ASCC3: variants seen among roughly 807,000 people sequenced by gnomAD.
ASCC3 encodes ASC-1 complex subunit P200.
ASCC3 carries 158 observed loss-of-function variants against 256.3 expected under a neutral mutation model. That is an observed-to-expected ratio of 0.62 (90% CI 0.54 to 0.70). The LOEUF (loss-of-function observed/expected upper bound fraction) is 0.70, where lower values mean the gene tolerates loss of function less well. ASCC3 is among the 30% of genes least tolerant of loss of function. The pLI is 0.00. For synonymous variants in ASCC3, 948 were observed against 883.4 expected (o/e 1.07, Z -1.30); for missense variants, 2,259 against 2,626.0 (o/e 0.86, Z 3.05).
chr6:100,762,676 C>T (rs1369382293), intron 10 of ASCC3, among the ~76,000 whole-genome samples: 1 of 152,000 alleles, frequency 6.6e-6, no homozygotes, highest in African/African-American at 2.4e-5. Flanking sequence ...ATATTCAAAC[C>T]TCAATAAAAT....
At chr6:100,582,295 C>T (rs1450140644) in intron 36 of ASCC3, among the ~76,000 whole-genome samples, 1 of 152,066 alleles carries the variant, frequency 6.6e-6, no homozygotes, top group Non-Finnish European at 1.5e-5. Flanking sequence ...TTGAAAAGGT[C>T]CTTCACGTCC....
intron 8 of ASCC3, among the ~76,000 whole-genome samples, chr6:100,774,086 A>G (rs868246476): frequency 6.6e-6 from 1 of 152,320 alleles, no homozygotes; most frequent in African/African-American, 2.4e-5. Context: ...AGTTCTGTCA[A>G]TACAAATATT....
chr6:100,735,537 A>G (rs1460338653), intron 10 of ASCC3, among the ~76,000 whole-genome samples: 1 of 152,102 alleles, frequency 6.6e-6, no homozygotes, highest in Admixed American at 6.5e-5. Context: ...GTTTGCATAA[A>G]TTCTCCTTTT....
chr6:100,581,153 C>T (rs1273981260), intron 36 of ASCC3, among the ~76,000 whole-genome samples: 1 of 152,152 alleles, frequency 6.6e-6, no homozygotes, highest in Non-Finnish European at 1.5e-5. Context: ...TGAGGAATCG[C>T]CACACTGACT....
At chr6:100,826,876 A>G (rs979118924) in intron 4 of ASCC3, among the ~76,000 whole-genome samples, 1 of 152,210 alleles carries the variant, frequency 6.6e-6, no homozygotes, top group Non-Finnish European at 1.5e-5. Context: ...GATACTTCCT[A>G]ATATTGTAGC....
At chr6:100,796,031 A>C (rs954410122) in intron 8 of ASCC3, among the ~76,000 whole-genome samples, 7 of 152,196 alleles carry the variant, frequency 4.6e-5, no homozygotes, top group Non-Finnish European at 1.0e-4. Flanking sequence ...TATAATGACA[A>C]ATTTCACTTA....
chr6:100,880,440 C>T (rs1769242455), intron 1 of ASCC3, among the ~76,000 whole-genome samples: 1 of 152,224 alleles, frequency 6.6e-6, no homozygotes, highest in African/African-American at 2.4e-5. Context: ...TAGAATTATG[C>T]TTCTTTTAAA....
At position 100,593,588 on chromosome 6, in the gene ASCC3, G is replaced by A. The variant is rs376846598; in HGVS notation, c.5304-3529C>T. On this transcript the variant is annotated intron_variant, in intron 34 of 41. Coordinates refer to ENST00000369162, the MANE Select transcript of ASCC3 (RefSeq NM_006828.4). ...TTTGGATTTAATGTGAATAGTGGCA[G>A]CCATTTCCTGTTTGGTTTATGTAAA... Among the ~76,000 whole-genome samples the A allele has an allele frequency of 1.1e-4, 17 of 152,216 alleles. No homozygotes were observed. The East Asian group carries it at 2.7e-3, about 24-fold the overall frequency.
In ASCC3 at chr6:100,708,596, C is replaced by T. The variant is rs186706429; in HGVS notation, c.2151+6866G>A. 6.6e-5 allele frequency among the ~76,000 whole-genome samples: 10 copies of T among 152,010 alleles called. No individual in the cohort carries two copies. The East Asian group carries it at 9.7e-4, about 15-fold the overall frequency. On this transcript the variant is annotated intron_variant, in intron 13 of 41. Coordinates refer to ENST00000369162, the MANE Select transcript of ASCC3 (RefSeq NM_006828.4). Reference sequence around the variant, plus strand: ...ACAGTTTGGGTTGTGATATTTGGAGCGGGGAGAGCCACTGGCATCTACTGG... The same window carrying T: ...ACAGTTTGGGTTGTGATATTTGGAGTGGGGAGAGCCACTGGCATCTACTGG...
At chr6:100,878,583 C>A (rs1769107516) in intron 1 of ASCC3, among the ~76,000 whole-genome samples, 1 of 152,188 alleles carries the variant, frequency 6.6e-6, no homozygotes, top group Non-Finnish European at 1.5e-5. Context: ...ACAGACCCAG[C>A]ACATATTAGG....
At chr6:100,640,658 C>T (rs2114888438) in intron 24 of ASCC3, among the ~76,000 whole-genome samples, 1 of 152,202 alleles carries the variant, frequency 6.6e-6, no homozygotes, top group East Asian at 1.9e-4. Flanking sequence ...ATGTAGCACA[C>T]TTGATGAAAG....
rs1448219728 is a variant in ASCC3, at chr6:100,805,761, T to C, written c.921A>G (p.Gln307=). The C allele has an allele frequency of 4.3e-6, 7 of 1,610,370 alleles. No individual in the cohort carries two copies. Among genetic ancestry groups the C allele is most frequent in the Non-Finnish European group, 5.1e-6 (6 of 1,178,342 alleles). The change falls in exon 5 of 42, where the codon CAA becomes CAG. Residue 307 remains glutamine (Q), a splice_region_variant and synonymous_variant. Coordinates refer to ENST00000369162, the MANE Select transcript of ASCC3 (RefSeq NM_006828.4). ...AATGACCACTGCATACTTTCTTACC[T>C]TGAAGAGCCTGAAACCTATGATCAT... is the stretch of plus-strand genomic sequence containing the variant. The part of the protein sequence containing the change: ...SSNDHRFQAL[Q]DNCKKILGEN...
chr6:100,724,657 G>A (rs1407541516), intron 11 of ASCC3, among the ~76,000 whole-genome samples: 1 of 151,878 alleles, frequency 6.6e-6, no homozygotes, highest in Non-Finnish European at 1.5e-5. Context: ...GAAGGGCTGG[G>A]CATTTTCCTG....
At chr6:100,608,236 ATACTTTATATATATACTT>A (rs1773092837) in intron 30 of ASCC3, among the ~76,000 whole-genome samples, 1 of 88,428 alleles carries the variant, frequency 1.1e-5, no homozygotes, top group Non-Finnish European at 1.9e-5. Flanking sequence ...TATATACTTT[ATACTTTATATATATACTT>A]TATATATACT....
chr6:100,608,069 T>TACATATATCGATATAC (rs1773008513), intron 30 of ASCC3, among the ~76,000 whole-genome samples: 1 of 92,200 alleles, frequency 1.1e-5, no homozygotes, highest in East Asian at 4.0e-4. Context: ...CACATATATA[T>TACATATATCGATATAC]ACATATATAT....
At chr6:100,794,212 T>A (rs1769488844) in intron 8 of ASCC3, among the ~76,000 whole-genome samples, 2 of 152,094 alleles carry the variant, frequency 1.3e-5, no homozygotes, top group Admixed American at 1.3e-4. Flanking sequence ...TACTTTCCTA[T>A]TTTTAAGAAG....
intron 37 of ASCC3, among the ~76,000 whole-genome samples, chr6:100,529,858 T>C (rs1188555232): frequency 6.6e-6 from 1 of 152,208 alleles, no homozygotes; most frequent in African/African-American, 2.4e-5. Context: ...CACTAGACTA[T>C]TGTAGAAAAT....
Position 100,591,091 on chromosome 6 carries a change from C to T in ASCC3, c.5304-1032G>A, listed in dbSNP as rs138990865. On this transcript the variant is annotated intron_variant, in intron 34 of 41. Transcript: ENST00000369162. ...AAAGTTACTGCTTTTTCTAGAAAAG[C>T]TCTTGGCATGTACCTAAATAAAGCA... Among the ~76,000 whole-genome samples the T allele has an allele frequency of 3.6e-4, 55 of 152,102 alleles. 1 individual carries two copies. The East Asian group carries it at 6.4e-3, about 18-fold the overall frequency.
intron 17 of ASCC3, among the ~76,000 whole-genome samples, chr6:100,654,243 G>T (rs1241464123): frequency 6.7e-6 from 1 of 149,768 alleles, no homozygotes; most frequent in East Asian, 2.0e-4. Context: ...ATCTGTGTTA[G>T]TTCATAAGAG....
Sources: gnomAD v4.1 joint callset for allele counts (sites outside exome capture counted in the v4.1 genomes callset) on GRCh38, gnomAD v4.1.1 for gene constraint, MANE v1.5 for transcripts, NCBI Gene and HGNC (gene_info 2026-07-23, HGNC 2026-07-21) for gene names.